Variants in CDKN1A observed in about 807,000 individuals in gnomAD.
CDKN1A encodes cyclin dependent kinase inhibitor 1A, also known as cyclin-dependent kinase inhibitor 1.
A neutral mutation model predicts 14.8 loss-of-function variants in CDKN1A; 14 were observed. The observed-to-expected ratio is 0.94, with a 90% CI of 0.62 to 1.48. The LOEUF is 1.48. CDKN1A is among the 40% of genes most tolerant of loss of function. The pLI is 0.00. For synonymous variants in CDKN1A, 92 were observed against 93.5 expected (o/e 0.98, Z 0.09); for missense variants, 203 against 231.7 (o/e 0.88, Z 0.80).
chr6:36,684,516 G>T lies in CDKN1A; in HGVS notation c.415G>T (p.Gly139Cys). 2 of 1,614,200 alleles carry T rather than the reference G, an allele frequency of 1.2e-6. No individual in the cohort carries two copies. Among genetic ancestry groups the T allele is most frequent in the South Asian group, 2.2e-5 (2 of 91,078 alleles). The change falls in exon 2 of 3, where the codon GGT (glycine) becomes TGT (cysteine). Residue 139 changes from glycine to cysteine, a missense_variant. Gly to Cys is a radical substitution (Grantham distance 159). Transcript: ENST00000244741. The surrounding 1 kb of genome is among the most constrained non-coding windows in gnomAD (Gnocchi z 6.0). ...CCCAGGTGGACCTGGAGACTCTCAG[G>T]GTCGAAAACGGCGGCAGACCAGCAT... The part of the protein sequence containing the change: ...GSPGGPGDSQ[G>C]RKRRQTSMTD...
chr6:36,680,234 C>T (rs1222646851), intron 1 of CDKN1A, among the ~76,000 whole-genome samples: 1 of 152,072 alleles, frequency 6.6e-6, no homozygotes, highest in Non-Finnish European at 1.5e-5. Context: ...TCTGACTCAT[C>T]CCGTGCTTTG....
chr6:36,677,607 A>G, upstream of CDKN1A: 1 of 379,360 alleles, frequency 2.6e-6, no homozygotes, highest in Non-Finnish European at 5.1e-6. Flanking sequence ...ACCAGTAGAC[A>G]CTTCCAGAAT....
rs201408395 is a variant in CDKN1A, at chr6:36,685,831, G to T, written c.*31G>T. The T allele has an allele frequency of 8.6e-4, 1,388 of 1,604,784 alleles. 28 individuals are homozygous for T. In the South Asian group the frequency reaches 0.014, roughly 17 times the overall value. ...CCACAGGAAGCCTGCAGTCCTGGAA[G>T]CGCGAGGGCCTCAAAGGCCCGCTCT... is the stretch of plus-strand genomic sequence containing the variant. On this transcript the variant is annotated 3_prime_UTR_variant, in exon 3 of 3. Transcript: ENST00000244741.
At chr6:36,677,175 G>A (rs918150945), upstream of CDKN1A, among the ~76,000 whole-genome samples, 5 of 152,158 alleles carry the variant, frequency 3.3e-5, no homozygotes, top group African/African-American at 1.2e-4. Context: ...AGGCTGTGCC[G>A]TGGCCTTTCT....
At chr6:36,680,338 G>GTGTGTGTGTGTGTGTC (rs1554185245) in intron 1 of CDKN1A, 5 of 151,818 alleles carry the variant, frequency 3.3e-5, no homozygotes. Context: ...GTGTGTGTGT[G>GTGTGTGTGTGTGTGTC]TGTGTGTCTG....
chr6:36,677,749 C>G, upstream of CDKN1A: 2 of 613,192 alleles, frequency 3.3e-6, no homozygotes, highest in Non-Finnish European at 5.6e-6. Flanking sequence ...GTCCTGTGTT[C>G]CAACTATAGT....
chr6:36,685,636 C>T (rs1010097881), intron 2 of CDKN1A, 115 bp from the exon 3 acceptor site: 6 of 988,432 alleles, frequency 6.1e-6, no homozygotes, highest in African/African-American at 3.2e-5. Context: ...TCTCAGCAGT[C>T]GGCCCCATTG....
rs1761935929 is a variant in CDKN1A at position 36,681,266 on chromosome 6, T to TTCTTTCCC, written c.-6+2474_-6+2475insCCTCTTTC. On this transcript the variant is annotated intron_variant, in intron 1 of 2. Coordinates refer to ENST00000244741, the MANE Select transcript of CDKN1A (RefSeq NM_000389.5). Reference sequence around the variant, plus strand: ...TTTTGAAAAAACTCCCTAGGTGCTTTTCTTTCTTTCTTTTTTTCTTTCTTT... The same window carrying TTCTTTCCC: ...TTTTGAAAAAACTCCCTAGGTGCTTTTCTTTCCCTCTTTCTTTCTTTTTTTCTTTCTTT... 8.1e-5 allele frequency among the ~76,000 whole-genome samples: 6 copies of TTCTTTCCC among 74,420 alleles called. No individual in the cohort carries two copies. In the East Asian group the frequency reaches 2.1e-3, roughly 26 times the overall value. 48.8% of individuals were successfully genotyped at this position (74,420 alleles called of 152,430 possible).
upstream of CDKN1A, chr6:36,677,559 G>A (rs1370174240): frequency 1.5e-5 from 5 of 340,100 alleles, no homozygotes; most frequent in East Asian, 1.8e-4. Context: ...AGATGGGAGC[G>A]GATAGACACA....
At position 36,678,951 on chromosome 6, in the gene CDKN1A, G is replaced by C; in HGVS notation, c.-6+153G>C. ...TGTTTCTGCGGCAGGTGAATGACGG[G>C]CGTGGGTCGGTGCGCGCTCGGCTTG... is the stretch of plus-strand genomic sequence containing the variant. On this transcript the variant is annotated intron_variant, in intron 1 of 2. Coordinates refer to ENST00000244741, the MANE Select transcript of CDKN1A (RefSeq NM_000389.5). The surrounding 1 kb of genome is among the most constrained non-coding windows in gnomAD (Gnocchi z 5.7). The C allele has an allele frequency of 1.0e-6, 1 of 985,806 alleles. No homozygotes were observed. Among genetic ancestry groups the C allele is most frequent in the African/African-American group, 1.7e-5 (1 of 57,350 alleles). 61.1% of individuals were successfully genotyped at this position (985,806 alleles called of 1,614,324 possible).
At chr6:36,678,636 C>T (rs930320990), upstream of CDKN1A, 22 of 983,432 alleles carry the variant, frequency 2.2e-5, no homozygotes, top group Non-Finnish European at 2.7e-5. The surrounding 1 kb of genome is among the most constrained non-coding windows in gnomAD (Gnocchi z 5.7). Flanking sequence ...CGCGGTGGGC[C>T]GAGCGCGGGT....
chr6:36,684,575 T>G lies in CDKN1A; in HGVS notation c.445+29T>G, dbSNP rs774490058. Reference sequence around the variant, plus strand: ...CGGACATGTGCACGGAAGGACTTTGTAAGGGACCAGGATTCTCAGAATCCA... The same window carrying G: ...CGGACATGTGCACGGAAGGACTTTGGAAGGGACCAGGATTCTCAGAATCCA... On this transcript the variant is annotated intron_variant, in intron 2 of 2. Coordinates refer to ENST00000244741, the MANE Select transcript of CDKN1A (RefSeq NM_000389.5). The surrounding 1 kb of genome is among the most constrained non-coding windows in gnomAD (Gnocchi z 6.0). 6.3e-7 allele frequency: 1 copy of G among 1,599,540 alleles called. No individual in the cohort carries two copies. Among genetic ancestry groups the G allele is most frequent in the Admixed American group, 1.7e-5 (1 of 59,992 alleles).
At chr6:36,677,998 T>C, upstream of CDKN1A, 1 of 789,536 alleles carries the variant, frequency 1.3e-6, no homozygotes, top group South Asian at 1.4e-5. Context: ...GAGATCAGGT[T>C]GCCCTTTTTT....
chr6:36,678,187 C>T (rs1482197598), upstream of CDKN1A: 14 of 339,228 alleles, frequency 4.1e-5, no homozygotes, highest in Non-Finnish European at 5.2e-5. The surrounding 1 kb of genome is among the most constrained non-coding windows in gnomAD (Gnocchi z 5.7). Context: ...GGAGAGGTGA[C>T]CTAGTGAGGG....
rs1372999209 is a variant in CDKN1A, at chr6:36,686,082, C to T, written c.*282C>T. On this transcript the variant is annotated 3_prime_UTR_variant, in exon 3 of 3. Transcript: ENST00000244741. This position sits in a 1 kb window ranked among gnomAD's most constrained non-coding sequence, Gnocchi z 4.9. ...CTCCTCATCCCGTGTTCTCCTTTTC[C>T]TCTCTCCCGGAGGTTGGGTGGGCCG... The T allele has an allele frequency of 2.0e-6, 1 of 509,504 alleles. No individual in the cohort carries two copies. The highest frequency in any genetic ancestry group is 3.3e-5 in the Admixed American group (1 of 30,204). The allele number at this position is 509,504 out of a possible 1,614,324, so 31.6% of individuals were successfully genotyped here. A position where few individuals can be genotyped will look rare whatever the true frequency, so the allele number is the denominator to read the frequency against.
Position 36,686,765 on chromosome 6 carries a change from C to T in CDKN1A, c.*965C>T, listed in dbSNP as rs908342499. ...GTTCTACCTCAGGCAGCTCAAGCAGCGACCGCCCCCTCCTCTAGCTGTGGG... is the reference window on the plus strand; with the variant it reads ...GTTCTACCTCAGGCAGCTCAAGCAGTGACCGCCCCCTCCTCTAGCTGTGGG... On this transcript the variant is annotated 3_prime_UTR_variant, in exon 3 of 3. Transcript: ENST00000244741. The surrounding 1 kb of genome is among the most constrained non-coding windows in gnomAD (Gnocchi z 4.9). 5.6e-5 allele frequency: 13 copies of T among 233,936 alleles called. No individual in the cohort carries two copies. The highest frequency in any genetic ancestry group is 2.0e-4 in the African/African-American group (9 of 45,328). The allele number at this position is 233,936 out of a possible 1,614,324, so 14.5% of individuals were successfully genotyped here. A position where few individuals can be genotyped will look rare whatever the true frequency, so the allele number is the denominator to read the frequency against.
At chr6:36,680,049 A>C (rs928006174) in intron 1 of CDKN1A, among the ~76,000 whole-genome samples, 5 of 151,966 alleles carry the variant, frequency 3.3e-5, no homozygotes, top group Non-Finnish European at 7.4e-5. Flanking sequence ...TCCGTCCCAA[A>C]CCCCTGGGGG....
At chr6:36,677,680 C>G, upstream of CDKN1A, 1 of 422,492 alleles carries the variant, frequency 2.4e-6, no homozygotes, top group South Asian at 2.1e-5. Context: ...GCATTTTTGT[C>G]ATTTTGGAGC....
chr6:36,685,803 C>G lies in CDKN1A; in HGVS notation c.*3C>G. The G allele has an allele frequency of 1.9e-6, 3 of 1,614,090 alleles. No homozygotes were observed. Among genetic ancestry groups the G allele is most frequent in the Non-Finnish European group, 2.5e-6 (3 of 1,179,958 alleles). On this transcript the variant is annotated 3_prime_UTR_variant, in exon 3 of 3. Transcript: ENST00000244741. Reference sequence around the variant, plus strand: ...TCTTCTCCAAGAGGAAGCCCTAATCCGCCCACAGGAAGCCTGCAGTCCTGG... The same window carrying G: ...TCTTCTCCAAGAGGAAGCCCTAATCGGCCCACAGGAAGCCTGCAGTCCTGG...
Sources: allele counts gnomAD v4.1 joint callset (sites outside exome capture counted in the v4.1 genomes callset), GRCh38; gene constraint gnomAD v4.1.1; non-coding constraint Gnocchi (gnomAD v3.1); transcripts MANE v1.5; gene names NCBI Gene and HGNC (gene_info 2026-07-23, HGNC 2026-07-21).